The following CSMD2 variants were observed in gnomAD, a reference collection of about 807,000 sequenced individuals.
The protein encoded by CSMD2 is CUB and sushi domain-containing protein 2.
In CSMD2, 130 loss-of-function variants were observed where a neutral mutation model predicts 398.5. That is an observed-to-expected ratio of 0.33 (90% CI 0.28 to 0.38). CSMD2 has a LOEUF of 0.38. CSMD2 is among the 10% of genes least tolerant of loss of function. The pLI is 1.00. For synonymous variants in CSMD2, 1,828 were observed against 1,908.5 expected, an observed-to-expected ratio of 0.96 and a Z score of 1.10; for missense variants, 3,829 against 4,764.9, an observed-to-expected ratio of 0.80 and a Z score of 5.78.
chr1:33,523,307 A>C lies in CSMD2; in HGVS notation c.10509T>G (p.His3503Gln). The C allele has an allele frequency of 6.8e-7, 1 of 1,476,818 alleles. No individual in the cohort carries two copies. Among genetic ancestry groups the C allele is most frequent in the Non-Finnish European group, 9.5e-7 (1 of 1,056,496 alleles). 91.5% of individuals were successfully genotyped at this position (1,476,818 alleles called of 1,614,324 possible). Residue 3503 changes from histidine (H) to glutamine (Q), a missense_variant and splice_region_variant, in exon 67 of 71, where the codon CAT (histidine) becomes CAG (glutamine). His to Gln is a conservative substitution (Grantham distance 24). Transcript: ENST00000373381. ...GAGGAGGTGAGTTTGCTGAACTTACATGGCCATCTAAAGCCCAGTGATCAT... is the reference window on the plus strand; with the variant it reads ...GAGGAGGTGAGTTTGCTGAACTTACCTGGCCATCTAAAGCCCAGTGATCAT... ...FKDDHWALDG[H>Q]VSSESSGATF...
chr1:33,636,371 G>C lies in CSMD2; in HGVS notation c.4958C>G (p.Pro1653Arg). ...CAGGCTTCCACCACCTGTGCAGACT[G>C]GCCGGGGATTGTTCCACACGGGCTT... The part of the protein sequence containing the change: ...DGKPVWNNPR[P>R]VCTAPCGGQY... The change falls in exon 30 of 71, where the codon CCA becomes CGA. Residue 1653 changes from proline to arginine, a missense_variant. By Grantham distance (103) the Pro-to-Arg change is moderately radical. Transcript: ENST00000373381. This position sits in a 1 kb window ranked among gnomAD's most constrained non-coding sequence, Gnocchi z 4.8. The C allele has an allele frequency of 6.2e-7, 1 of 1,608,258 alleles. No homozygotes were observed. The highest frequency in any genetic ancestry group is 8.5e-7 in the Non-Finnish European group (1 of 1,177,272).
chr1:33,703,791 C>A (rs1645687556), intron 22 of CSMD2, among the ~76,000 whole-genome samples: 1 of 152,188 alleles, frequency 6.6e-6, no homozygotes, highest in Non-Finnish European at 1.5e-5. Context: ...TGCTCTCTCA[C>A]CAGCAACGTC....
intron 28 of CSMD2, among the ~76,000 whole-genome samples, chr1:33,650,304 C>T (rs760612485): frequency 5.9e-5 from 9 of 152,168 alleles, no homozygotes; most frequent in Admixed American, 1.3e-4. Flanking sequence ...GAAGTCAGCC[C>T]GAGGCAGAGC....
At chr1:33,682,220 T>G (rs976053474) in intron 25 of CSMD2, among the ~76,000 whole-genome samples, 3 of 152,204 alleles carry the variant, frequency 2.0e-5, no homozygotes, top group African/African-American at 7.2e-5. Context: ...GTATAAAATC[T>G]CCCTCTGTCT....
intron 20 of CSMD2, 61 bp downstream of exon 20, chr1:33,716,225 C>T: frequency 7.3e-7 from 1 of 1,372,336 alleles, no homozygotes; most frequent in Non-Finnish European, 1.0e-6. Context: ...AGACTGGTAG[C>T]AGAAGGAGAG....
In CSMD2 at chr1:33,602,659, T is replaced by C; in HGVS notation, c.6533-113A>G. 6 of 975,372 alleles carry C rather than the reference T, an allele frequency of 6.2e-6. No homozygotes were observed. In the South Asian group the frequency reaches 1.2e-4, roughly 19 times the overall value. 60.4% of individuals were successfully genotyped at this position (975,372 alleles called of 1,614,324 possible). On this transcript the variant is annotated intron_variant, in intron 42 of 70. Transcript: ENST00000373381. The stretch of plus-strand genomic sequence containing the variant: ...AGAACTAATCATCCTGTCAGGGAGG[T>C]TGGGTGGGATGCGGAAGGGGAGGCC...
At chr1:34,063,132 A>G (rs61771415) in intron 2 of CSMD2, among the ~76,000 whole-genome samples, 34,148 of 152,136 alleles carry the variant, frequency 0.22, 4,182 homozygotes, top group Middle Eastern at 0.28. Flanking sequence ...TCCTTCCCAC[A>G]GCATGTAGGA....
At chr1:33,899,148 A>C (rs916347561) in intron 5 of CSMD2, among the ~76,000 whole-genome samples, 1 of 152,240 alleles carries the variant, frequency 6.6e-6, no homozygotes, top group African/African-American at 2.4e-5. Context: ...CTCTCTTGAA[A>C]GGGGAACGCT....
chr1:33,806,831 G>C (rs754418011), intron 10 of CSMD2, among the ~76,000 whole-genome samples: 17 of 152,154 alleles, frequency 1.1e-4, no homozygotes, highest in South Asian at 6.2e-4. Flanking sequence ...GAGAATTAGT[G>C]AACAGAATGA....
chr1:33,649,305 G>A (rs771438102), intron 28 of CSMD2, among the ~76,000 whole-genome samples: 2 of 152,172 alleles, frequency 1.3e-5, no homozygotes, highest in Non-Finnish European at 2.9e-5. Flanking sequence ...CAGAAACCAT[G>A]ACTTTAAGTG....
chr1:34,115,702 C>T (rs1195999382), intron 1 of CSMD2, among the ~76,000 whole-genome samples: 1 of 151,560 alleles, frequency 6.6e-6, no homozygotes, highest in African/African-American at 2.4e-5. Context: ...AATAGTGATG[C>T]CTAAATCATT....
intron 1 of CSMD2, among the ~76,000 whole-genome samples, chr1:34,114,254 C>A (rs1661381785): frequency 6.6e-6 from 1 of 152,036 alleles, no homozygotes; most frequent in African/African-American, 2.4e-5. Flanking sequence ...TGAAGACTTT[C>A]CCTTGTGTAA....
chr1:33,798,758 A>C (rs1655253450), intron 10 of CSMD2, among the ~76,000 whole-genome samples: 1 of 152,200 alleles, frequency 6.6e-6, no homozygotes. Context: ...TGTCACAGCC[A>C]CCTTGTCCTG....
At chr1:33,747,274 A>G (rs2149264104) in intron 13 of CSMD2, among the ~76,000 whole-genome samples, 1 of 152,392 alleles carries the variant, frequency 6.6e-6, no homozygotes, top group Non-Finnish European at 1.5e-5. Context: ...ATGCAAGCGT[A>G]ACAAATATTC....
intron 4 of CSMD2, among the ~76,000 whole-genome samples, chr1:33,922,376 T>C (rs1286045311): frequency 1.3e-5 from 2 of 150,698 alleles, no homozygotes; most frequent in East Asian, 2.0e-4. Flanking sequence ...GGGGAGGGAG[T>C]GGCTCAGGAG....
At chr1:34,022,544 T>C (rs955156675) in intron 3 of CSMD2, among the ~76,000 whole-genome samples, 1 of 152,068 alleles carries the variant, frequency 6.6e-6, no homozygotes, top group Non-Finnish European at 1.5e-5. Flanking sequence ...GAAGGAGAAG[T>C]GCAGGGAGCC....
At chr1:33,523,890 A>G (rs1654538031) in intron 66 of CSMD2, among the ~76,000 whole-genome samples, 1 of 152,226 alleles carries the variant, frequency 6.6e-6, no homozygotes, top group African/African-American at 2.4e-5. Flanking sequence ...GGGGTTGTGC[A>G]TTAATATGTT....
chr1:33,793,809 T>C (rs530636903), intron 10 of CSMD2, among the ~76,000 whole-genome samples: 3 of 152,062 alleles, frequency 2.0e-5, no homozygotes, highest in Admixed American at 6.5e-5. Context: ...ACAGGATGCA[T>C]GTGGTGCTGA....
chr1:33,528,492 GT>G (rs1199793206), intron 64 of CSMD2, among the ~76,000 whole-genome samples: 1 of 152,252 alleles, frequency 6.6e-6, no homozygotes, highest in Non-Finnish European at 1.5e-5. Context: ...TGTGGAGAAA[GT>G]TTCTGCAGTG....
Sources: allele counts gnomAD v4.1 joint callset (sites outside exome capture counted in the v4.1 genomes callset), GRCh38; gene constraint gnomAD v4.1.1; non-coding constraint Gnocchi (gnomAD v3.1); transcripts MANE v1.5; gene names NCBI Gene and HGNC (gene_info 2026-07-23, HGNC 2026-07-21).